SORCS2: variants seen among roughly 807,000 people sequenced by gnomAD.
The protein encoded by SORCS2 is VPS10 domain-containing receptor SorCS2.
A neutral mutation model predicts 141.6 loss-of-function variants in SORCS2; 100 were observed. The observed-to-expected ratio is 0.71, with a 90% confidence interval of 0.60 to 0.83. The LOEUF is 0.83. Ranked by LOEUF, SORCS2 falls within the 40% of genes least tolerant of loss-of-function variation. SORCS2 has a pLI of 0.00. For missense variants in SORCS2, 1,646 were observed against 1,560.2 expected, an observed-to-expected ratio of 1.05 and a Z score of -0.93; for synonymous variants, 789 against 676.9, an observed-to-expected ratio of 1.17 and a Z score of -2.57.
At chr4:7,298,460 C>A (rs761229385) in intron 1 of SORCS2, among the ~76,000 whole-genome samples, 7 of 152,176 alleles carry the variant, frequency 4.6e-5, no homozygotes, top group Non-Finnish European at 7.3e-5. Context: ...GTGCCGGGAG[C>A]TTCCTTTGGC....
In SORCS2 at chr4:7,286,074, G is replaced by A. The variant is rs1716202797; in HGVS notation, c.480+92948G>A. ...CTGCCTGCCTCCCATCCATCTTCCC[G>A]GTGCCTCTTTGTGGTGGGTGTAACT... is the stretch of plus-strand genomic sequence containing the variant. On this transcript the variant is annotated intron_variant, in intron 1 of 26. Coordinates refer to ENST00000507866, the MANE Select transcript of SORCS2 (RefSeq NM_020777.3). The surrounding 1 kb of genome is among the most constrained non-coding windows in gnomAD (Gnocchi z 4.1). Among the ~76,000 whole-genome samples, 1 of 152,154 alleles carries A rather than the reference G, an allele frequency of 6.6e-6. No individual in the cohort carries two copies. Among genetic ancestry groups the A allele is most frequent in the Admixed American group, 6.5e-5 (1 of 15,278 alleles).
intron 3 of SORCS2, among the ~76,000 whole-genome samples, chr4:7,596,298 G>A (rs1003624976): frequency 1.3e-5 from 2 of 152,162 alleles, no homozygotes; most frequent in African/African-American, 2.4e-5. Flanking sequence ...CATGGTAGAC[G>A]GTGTGGTTAG....
At chr4:7,390,919 G>T (rs974999150) in intron 1 of SORCS2, among the ~76,000 whole-genome samples, 1 of 152,312 alleles carries the variant, frequency 6.6e-6, no homozygotes, top group South Asian at 2.1e-4. Context: ...CAATTGACAG[G>T]TGGAGAAACC....
intron 1 of SORCS2, among the ~76,000 whole-genome samples, chr4:7,370,091 C>A (rs891563537): frequency 6.6e-6 from 1 of 152,212 alleles, no homozygotes; most frequent in African/African-American, 2.4e-5. Context: ...TAGCTGTTTG[C>A]GGCTCTGCTC....
chr4:7,324,005 G>T (rs1424277566), intron 1 of SORCS2, among the ~76,000 whole-genome samples: 3 of 152,156 alleles, frequency 2.0e-5, no homozygotes, highest in Non-Finnish European at 4.4e-5. Context: ...AGGATCTGAG[G>T]CCCACACCAT....
At chr4:7,388,563 C>G (rs1338701168) in intron 1 of SORCS2, among the ~76,000 whole-genome samples, 1 of 152,174 alleles carries the variant, frequency 6.6e-6, no homozygotes, top group South Asian at 2.1e-4. Flanking sequence ...GCTTCCCCAC[C>G]CACAGGTGTC....
At chr4:7,300,280 T>G in intron 1 of SORCS2, among the ~76,000 whole-genome samples, 2 of 149,030 alleles carry the variant, frequency 1.3e-5, no homozygotes, top group African/African-American at 2.5e-5. Flanking sequence ...ATCTCGGGGA[T>G]GGGGTGGGAA....
At chr4:7,506,816 A>G (rs1252857721) in intron 2 of SORCS2, among the ~76,000 whole-genome samples, 2 of 152,256 alleles carry the variant, frequency 1.3e-5, no homozygotes, top group Non-Finnish European at 2.9e-5. Context: ...TGTCAAGGGA[A>G]TAAGTAGACA....
chr4:7,514,533 TGGTTATAGAGTCATGGCAGGGCA>T (rs1732856830), intron 2 of SORCS2, among the ~76,000 whole-genome samples: 1 of 151,858 alleles, frequency 6.6e-6, no homozygotes, highest in African/African-American at 2.4e-5. Context: ...ATGGCAGGGC[TGGTTATAGAGTCATGGCAGGGCA>T]GACACTGGCA....
intron 1 of SORCS2, among the ~76,000 whole-genome samples, chr4:7,273,047 G>A (rs996122374): frequency 3.3e-5 from 5 of 152,250 alleles, no homozygotes; most frequent in African/African-American, 1.2e-4. Flanking sequence ...GTAGGGGGCT[G>A]CTACCTCTCC....
intron 1 of SORCS2, among the ~76,000 whole-genome samples, chr4:7,222,031 C>T (rs1728732906): frequency 6.6e-6 from 1 of 152,060 alleles, no homozygotes; most frequent in African/African-American, 2.4e-5. Context: ...CCCACCCGGG[C>T]CAGGGTGGAT....
chr4:7,534,773 A>T (rs1368636828), intron 3 of SORCS2, among the ~76,000 whole-genome samples: 2 of 152,238 alleles, frequency 1.3e-5, no homozygotes, highest in Non-Finnish European at 2.9e-5. Flanking sequence ...CCTCCAGAGG[A>T]ACCAGCCCTG....
chr4:7,533,291 C>G (rs927033596), intron 3 of SORCS2, among the ~76,000 whole-genome samples: 1 of 152,210 alleles, frequency 6.6e-6, no homozygotes, highest in Non-Finnish European at 1.5e-5. Context: ...GGGGCAGACA[C>G]TCTGCCTTCC....
intron 1 of SORCS2, among the ~76,000 whole-genome samples, chr4:7,365,017 A>G (rs887652579): frequency 1.3e-5 from 2 of 152,140 alleles, no homozygotes; most frequent in African/African-American, 4.8e-5. Context: ...CCTGCCTCAT[A>G]GAGTTGCTGT....
At chr4:7,303,469 G>T (rs1220013798) in intron 1 of SORCS2, among the ~76,000 whole-genome samples, 1 of 152,164 alleles carries the variant, frequency 6.6e-6, no homozygotes, top group Non-Finnish European at 1.5e-5. Context: ...GATGCATTAA[G>T]TATGAACTGA....
At chr4:7,223,940 G>A (rs565487548) in intron 1 of SORCS2, among the ~76,000 whole-genome samples, 2 of 152,340 alleles carry the variant, frequency 1.3e-5, no homozygotes, top group African/African-American at 4.8e-5. Flanking sequence ...TCAGAGGGAT[G>A]ACTGATACCT....
rs146718951 is a variant in SORCS2, at chr4:7,676,073, C to T, written c.1185C>T (p.Asp395=). ...LPKDLQIIST[D]ESQVFVAVQE... is the part of the protein sequence containing the mutation. ...AGGATCTGCAGATCATCAGCACGGA[C>T]GAGAGTCAGGTGTTCGTGGCGGTGC... is the stretch of plus-strand genomic sequence containing the variant. Residue 395 remains aspartate, a synonymous_variant, in exon 9 of 27, where the codon GAC becomes GAT. Transcript: ENST00000507866. The T allele has an allele frequency of 3.3e-4, 525 of 1,589,972 alleles. 2 individuals carry two copies. In the African/African-American group the frequency reaches 5.9e-3, roughly 18 times the overall value.
At chr4:7,346,039 T>C (rs1720640090) in intron 1 of SORCS2, among the ~76,000 whole-genome samples, 1 of 152,240 alleles carries the variant, frequency 6.6e-6, no homozygotes. Context: ...GTGTAGTTTT[T>C]CTGCCATCTG....
chr4:7,337,717 A>C (rs932626369), intron 1 of SORCS2, among the ~76,000 whole-genome samples: 14 of 152,190 alleles, frequency 9.2e-5, no homozygotes, highest in African/African-American at 3.4e-4. Flanking sequence ...ATGGAAGACA[A>C]GGAATCCCAG....
Sources: gnomAD v4.1 joint callset for allele counts (sites outside exome capture counted in the v4.1 genomes callset) on GRCh38, gnomAD v4.1.1 for gene constraint, Gnocchi (gnomAD v3.1) non-coding constraint, MANE v1.5 for transcripts, NCBI Gene and HGNC (gene_info 2026-07-23, HGNC 2026-07-21) for gene names.